The following SRRM5 variants were observed in gnomAD, a reference collection of about 807,000 sequenced individuals.
The protein encoded by SRRM5 is serine/arginine repetitive matrix protein 5.
Under a neutral mutation model 1.3 loss-of-function variants are expected in SRRM5, and 1 was observed. The observed-to-expected ratio is 0.76, with a 90% confidence interval of 0.27 to 3.59. SRRM5 has a LOEUF of 3.59. Among genes scored for constraint, SRRM5 ranks in the 30% most tolerant of loss-of-function variants. The probability of loss-of-function intolerance (pLI) is 0.19; values close to 1 mark genes in which losing one functional copy is unlikely to be tolerated. For synonymous variants in SRRM5, 275 were observed against 320.2 expected, an observed-to-expected ratio of 0.86 and a Z score of 1.51; for missense variants, 875 against 914.5, an observed-to-expected ratio of 0.96 and a Z score of 0.56.
chr19:43,613,514 A>G lies in SRRM5; in HGVS notation c.1393A>G (p.Arg465Gly), dbSNP rs1276582250. The change falls in exon 1 of 1, where the codon AGA (arginine) becomes GGA (glycine). Residue 465 changes from arginine to glycine, a missense_variant. Physicochemically the swap from Arg to Gly is moderately radical, Grantham distance 125. Coordinates refer to ENST00000417606, the MANE Select transcript of SRRM5 (RefSeq NM_001145641.2). ...PNKARDHSRSRSPNKARDRSR... is the reference protein window; with the variant it reads ...PNKARDHSRSGSPNKARDRSR... ...CAAGGCAAGAGATCATAGCCGATCT[A>G]GAAGTCCCAACAAGGCGAGAGATCG... The G allele has an allele frequency of 6.4e-7, 1 of 1,551,034 alleles. No individual in the cohort carries two copies. Among genetic ancestry groups the G allele is most frequent in the Non-Finnish European group, 8.7e-7 (1 of 1,146,834 alleles).
chr19:43,613,082 G>A lies in SRRM5; in HGVS notation c.961G>A (p.Gly321Arg), dbSNP rs1341959252. 1.9e-6 allele frequency: 3 copies of A among 1,551,522 alleles called. No individual in the cohort carries two copies. In the South Asian group the frequency reaches 3.6e-5, roughly 18 times the overall value. ...CAGGGCAAGAAGTCGCACCCGGAAG[G>A]GAATTCTGAGCCAGATGGGAAGACA... is the stretch of plus-strand genomic sequence containing the variant. ...HSRARSRTRKGILSQMGRHSQ... is the reference protein window; with the variant it reads ...HSRARSRTRKRILSQMGRHSQ... The change falls in exon 1 of 1, where the codon GGA becomes AGA. Residue 321 changes from glycine to arginine, a missense_variant. By Grantham distance (125) the Gly-to-Arg change is moderately radical. Coordinates refer to ENST00000417606, the MANE Select transcript of SRRM5 (RefSeq NM_001145641.2).
At position 43,613,920 on chromosome 19, in the gene SRRM5, A is replaced by G. The variant is rs778826306; in HGVS notation, c.1799A>G (p.Asn600Ser). The G allele has an allele frequency of 1.2e-4, 185 of 1,551,464 alleles. No individual in the cohort carries two copies. Among genetic ancestry groups the G allele is most frequent in the Non-Finnish European group, 1.5e-4 (172 of 1,146,960 alleles). The change falls in exon 1 of 1, where the codon AAT (asparagine) becomes AGT (serine). Residue 600 changes from asparagine to serine, a missense_variant. Physicochemically the swap from Asn to Ser is conservative, Grantham distance 46. Coordinates refer to ENST00000417606, the MANE Select transcript of SRRM5 (RefSeq NM_001145641.2). Reference sequence around the variant, plus strand: ...GATCACAGCCGATCTAGAAGCCCCAATAAGCAGAGTGGTTACAGTCGACCT... The same window carrying G: ...GATCACAGCCGATCTAGAAGCCCCAGTAAGCAGAGTGGTTACAGTCGACCT... ...ERDHSRSRSP[N>S]KQSGYSRPRA...
In SRRM5 at chr19:43,614,330, G is replaced by A. The variant is rs1468179329; in HGVS notation, c.*61G>A. The stretch of plus-strand genomic sequence containing the variant: ...GACCGGGGGAGGGGACAGGAGACAG[G>A]AGCAGAGCAGCAGCTGAGCAGCGTC... On this transcript the variant is annotated 3_prime_UTR_variant, in exon 1 of 1. Transcript: ENST00000417606. 6.3e-7 allele frequency: 1 copy of A among 1,577,914 alleles called. No homozygotes were observed. Among genetic ancestry groups the A allele is most frequent in the African/African-American group, 1.4e-5 (1 of 73,928 alleles).
Position 43,613,158 on chromosome 19 carries a change from C to T in SRRM5, c.1037C>T (p.Thr346Ile). ...GGGAAAAGTCAAAACCAATCTAGAA[C>T]CCCCAGAAGAGGAAGAAGTCACAAC... ...SKGKSQNQSRTPRRGRSHNWS... is the reference protein window; with the variant it reads ...SKGKSQNQSRIPRRGRSHNWS... The change falls in exon 1 of 1, where the codon ACC becomes ATC. Residue 346 changes from threonine (T) to isoleucine (I), a missense_variant. Transcript: ENST00000417606. The T allele has an allele frequency of 6.4e-7, 1 of 1,551,588 alleles. No individual in the cohort carries two copies. The highest frequency in any genetic ancestry group is 1.2e-5 in the South Asian group (1 of 84,056).
Position 43,613,987 on chromosome 19 carries a change from C to A in SRRM5, c.1866C>A (p.Thr622=), listed in dbSNP as rs1377342873. 4 of 1,551,690 alleles carry A rather than the reference C, an allele frequency of 2.6e-6. No individual in the cohort carries two copies. Among genetic ancestry groups the A allele is most frequent in the East Asian group, 2.4e-5 (1 of 40,918 alleles). ...AGAAAGCTCATAGCCGATCTAGAAC[C>A]CCCAGCAAAGAAGGAAATCATAGCC... is the stretch of plus-strand genomic sequence containing the variant. ...SKEKAHSRSR[T]PSKEGNHSQS... is the part of the protein sequence containing the mutation. Residue 622 remains threonine (T), a synonymous_variant, in exon 1 of 1, where the codon ACC becomes ACA. Transcript: ENST00000417606.
chr19:43,612,688 A>T lies in SRRM5; in HGVS notation c.567A>T (p.Arg189Ser). The T allele has an allele frequency of 6.4e-7, 1 of 1,551,470 alleles. No homozygotes were observed. Among genetic ancestry groups the T allele is most frequent in the South Asian group, 1.2e-5 (1 of 84,052 alleles). Reference protein sequence around the residue: ...SNRERSDSQPRNLSKKSYRPP... With the variant: ...SNRERSDSQPSNLSKKSYRPP... ...GGGAAAGGAGTGACAGCCAGCCTAGAAATCTGAGCAAGAAGAGTTACCGCC... is the reference window on the plus strand; with the variant it reads ...GGGAAAGGAGTGACAGCCAGCCTAGTAATCTGAGCAAGAAGAGTTACCGCC... The change falls in exon 1 of 1, where the codon AGA (arginine) becomes AGT (serine). Residue 189 changes from arginine to serine, a missense_variant. Coordinates refer to ENST00000417606, the MANE Select transcript of SRRM5 (RefSeq NM_001145641.2). This position sits in a 1 kb window ranked among gnomAD's most constrained non-coding sequence, Gnocchi z 4.2.
rs1973351680 is a variant in SRRM5, at chr19:43,614,451, G to A, written c.*182G>A. On this transcript the variant is annotated 3_prime_UTR_variant, in exon 1 of 1. Transcript: ENST00000417606. Reference sequence around the variant, plus strand: ...AGAGGGATGCTGGATAGGGGGAAAGGAAAGACCTGTGATGATTCAATAAAT... The same window carrying A: ...AGAGGGATGCTGGATAGGGGGAAAGAAAAGACCTGTGATGATTCAATAAAT... The A allele has an allele frequency of 6.9e-6, 10 of 1,440,060 alleles. No homozygotes were observed. Among genetic ancestry groups the A allele is most frequent in the Non-Finnish European group, 9.1e-6 (10 of 1,101,606 alleles). The allele number at this position is 1,440,060 out of a possible 1,614,324, so 89.2% of individuals were successfully genotyped here. A position where few individuals can be genotyped will look rare whatever the true frequency, so the allele number is the denominator to read the frequency against.
Position 43,613,327 on chromosome 19 carries a change from C to G in SRRM5, c.1206C>G (p.Ser402Arg), listed in dbSNP as rs1266947927. 6.4e-7 allele frequency: 1 copy of G among 1,551,130 alleles called. No individual in the cohort carries two copies. The highest frequency in any genetic ancestry group is 8.7e-7 in the Non-Finnish European group (1 of 1,146,872). ...GCCCCAACAAGCAGAGAGATCACAGCCGATCTAGAAGTCCCAACAAGGCGA... is the reference window on the plus strand; with the variant it reads ...GCCCCAACAAGCAGAGAGATCACAGGCGATCTAGAAGTCCCAACAAGGCGA... Reference protein sequence around the residue: ...SGSPNKQRDHSRSRSPNKARD... With the variant: ...SGSPNKQRDHRRSRSPNKARD... The change falls in exon 1 of 1, where the codon AGC (serine) becomes AGG (arginine). Residue 402 changes from serine (S) to arginine (R), a missense_variant. Coordinates refer to ENST00000417606, the MANE Select transcript of SRRM5 (RefSeq NM_001145641.2).
At position 43,613,904 on chromosome 19, in the gene SRRM5, C is replaced by A; in HGVS notation, c.1783C>A (p.Arg595=). The change falls in exon 1 of 1, where the codon CGA becomes AGA. Residue 595 remains arginine, a synonymous_variant. Coordinates refer to ENST00000417606, the MANE Select transcript of SRRM5 (RefSeq NM_001145641.2). ...CTCCAGCGAGGAGAGAGATCACAGC[C>A]GATCTAGAAGCCCCAATAAGCAGAG... ...RSSSEERDHS[R]SRSPNKQSGY... is the part of the protein sequence containing the mutation. 3.9e-6 allele frequency: 6 copies of A among 1,551,650 alleles called. No individual in the cohort carries two copies. Among genetic ancestry groups the A allele is most frequent in the Non-Finnish European group, 5.2e-6 (6 of 1,146,994 alleles).
At position 43,613,319 on chromosome 19, in the gene SRRM5, G is replaced by T. The variant is rs1313035380; in HGVS notation, c.1198G>T (p.Asp400Tyr). The change falls in exon 1 of 1, where the codon GAT becomes TAT. Residue 400 changes from aspartate (D) to tyrosine (Y), a missense_variant. Transcript: ENST00000417606. ...SQSGSPNKQRDHSRSRSPNKA... is the reference protein window; with the variant it reads ...SQSGSPNKQRYHSRSRSPNKA... ...ATCAGGAAGCCCCAACAAGCAGAGAGATCACAGCCGATCTAGAAGTCCCAA... is the reference window on the plus strand; with the variant it reads ...ATCAGGAAGCCCCAACAAGCAGAGATATCACAGCCGATCTAGAAGTCCCAA... 4 of 1,551,392 alleles carry T rather than the reference G, an allele frequency of 2.6e-6. No individual in the cohort carries two copies. The highest frequency in any genetic ancestry group is 3.5e-6 in the Non-Finnish European group (4 of 1,146,978).
rs1600088663 is a variant in SRRM5 at position 43,614,358 on chromosome 19, T to C, written c.*89T>C. On this transcript the variant is annotated 3_prime_UTR_variant, in exon 1 of 1. Coordinates refer to ENST00000417606, the MANE Select transcript of SRRM5 (RefSeq NM_001145641.2). ...CAGAGCAGCAGCTGAGCAGCGTCCCTCCCCGGCCAGCTCTCCACAGCCACA... is the reference window on the plus strand; with the variant it reads ...CAGAGCAGCAGCTGAGCAGCGTCCCCCCCCGGCCAGCTCTCCACAGCCACA... 6.5e-7 allele frequency: 1 copy of C among 1,539,366 alleles called. No homozygotes were observed. The highest frequency in any genetic ancestry group is 1.4e-5 in the African/African-American group (1 of 72,676).
chr19:43,612,899 AC>A lies in SRRM5; in HGVS notation c.779del (p.Thr260MetfsTer43). ...CAGTAGGGAAAAGAGTTACAGCCCC[AC>A]TGAAATGTCCAGCAGGGTCAAGAGT... On this transcript the variant is annotated frameshift_variant, in exon 3 of 3. Transcript: ENST00000607544. LOFTEE classifies it low-confidence loss of function (END_TRUNC). The surrounding 1 kb of genome is among the most constrained non-coding windows in gnomAD (Gnocchi z 4.2). 14 of 1,551,652 alleles carry A rather than the reference AC, an allele frequency of 9.0e-6. No homozygotes were observed. Among genetic ancestry groups the A allele is most frequent in the Non-Finnish European group, 1.2e-5 (14 of 1,146,996 alleles).
At position 43,613,628 on chromosome 19, in the gene SRRM5, C is replaced by T. The variant is rs752453564; in HGVS notation, c.1507C>T (p.Pro503Ser). Residue 503 changes from proline (P) to serine (S), a missense_variant, in exon 1 of 1, where the codon CCC (proline) becomes TCC (serine). Transcript: ENST00000417606. ...GAGAGATCACAGACGATCTAGAAGCCCCAGCAAGGAGAGACAGTGCAGACA... is the reference window on the plus strand; with the variant it reads ...GAGAGATCACAGACGATCTAGAAGCTCCAGCAAGGAGAGACAGTGCAGACA... ...KERDHRRSRS[P>S]SKERQCRQSR... 1 of 1,548,520 alleles carries T rather than the reference C, an allele frequency of 6.5e-7. No homozygotes were observed. Among genetic ancestry groups the T allele is most frequent in the Non-Finnish European group, 8.7e-7 (1 of 1,145,520 alleles).
In SRRM5 at chr19:43,612,988, G is replaced by A; in HGVS notation, c.867G>A (p.Arg289=). 1 of 1,551,672 alleles carries A rather than the reference G, an allele frequency of 6.4e-7. No homozygotes were observed. The highest frequency in any genetic ancestry group is 8.7e-7 in the Non-Finnish European group (1 of 1,146,962). The change falls in exon 1 of 1, where the codon AGG becomes AGA. Residue 289 remains arginine (R), a synonymous_variant. Coordinates refer to ENST00000417606, the MANE Select transcript of SRRM5 (RefSeq NM_001145641.2). The surrounding 1 kb of genome is among the most constrained non-coding windows in gnomAD (Gnocchi z 4.2). ...QSHSQSRSPR[R]SRSGSQKRTH... is the part of the protein sequence containing the mutation. The stretch of plus-strand genomic sequence containing the variant: ...ACAGCCAATCTAGAAGCCCCAGAAG[G>A]TCAAGAAGTGGCAGTCAGAAGAGGA...
At position 43,613,558 on chromosome 19, in the gene SRRM5, C is replaced by T. The variant is rs1367971657; in HGVS notation, c.1437C>T (p.Pro479=). The T allele has an allele frequency of 6.4e-7, 1 of 1,551,418 alleles. No individual in the cohort carries two copies. Among genetic ancestry groups the T allele is most frequent in the Admixed American group, 2.0e-5 (1 of 50,980 alleles). ...KARDRSRSRS[P]SKERDHSQLG... ...GAGATCGCAGCCGATCTAGAAGCCCCAGCAAGGAAAGAGATCACAGCCAAC... is the reference window on the plus strand; with the variant it reads ...GAGATCGCAGCCGATCTAGAAGCCCTAGCAAGGAAAGAGATCACAGCCAAC... Residue 479 remains proline (P), a synonymous_variant, in exon 1 of 1, where the codon CCC becomes CCT. Coordinates refer to ENST00000417606, the MANE Select transcript of SRRM5 (RefSeq NM_001145641.2).
At position 43,613,058 on chromosome 19, in the gene SRRM5, A is replaced by AG. The variant is rs752579648; in HGVS notation, c.940dup (p.Ala314GlyfsTer20). On this transcript the variant is annotated frameshift_variant, in exon 3 of 3. Coordinates refer to the SRRM5 transcript ENST00000607544. LOFTEE classifies it low-confidence loss of function (END_TRUNC). The stretch of plus-strand genomic sequence containing the variant: ...TCACAGTTGGAAGAGAAACCATAGC[A>AG]GGGCAAGAAGTCGCACCCGGAAGGG... 1.2e-5 allele frequency: 18 copies of AG among 1,551,480 alleles called. No homozygotes were observed. The highest frequency in any genetic ancestry group is 1.4e-5 in the Non-Finnish European group (16 of 1,146,976).
At position 43,612,940 on chromosome 19, in the gene SRRM5, C is replaced by G. The variant is rs975413090; in HGVS notation, c.819C>G (p.Ser273Arg). ...SSRVKSYNQA[S>R]TRSRPQSHSQ... is the part of the protein sequence containing the mutation. ...GGGTCAAGAGTTATAACCAGGCCAG[C>G]ACCCGCAGCAGGCCGCAAAGTCACA... Residue 273 changes from serine (S) to arginine (R), a missense_variant, in exon 1 of 1, where the codon AGC (serine) becomes AGG (arginine). Ser to Arg is a moderately radical substitution (Grantham distance 110, BLOSUM62 -1). Transcript: ENST00000417606. This position sits in a 1 kb window ranked among gnomAD's most constrained non-coding sequence, Gnocchi z 4.2. 3.2e-6 allele frequency: 5 copies of G among 1,551,678 alleles called. No individual in the cohort carries two copies. Among genetic ancestry groups the G allele is most frequent in the Non-Finnish European group, 4.4e-6 (5 of 1,146,974 alleles).
rs1467530734 is a variant in SRRM5, at chr19:43,613,053, A to T, written c.932A>T (p.His311Leu). ...AGAAGTCACAGTTGGAAGAGAAACC[A>T]TAGCAGGGCAAGAAGTCGCACCCGG... is the stretch of plus-strand genomic sequence containing the variant. The part of the protein sequence containing the change: ...RVRSHSWKRN[H>L]SRARSRTRKG... Residue 311 changes from histidine (H) to leucine (L), a missense_variant, in exon 1 of 1, where the codon CAT becomes CTT. By Grantham distance (99) the His-to-Leu change is moderately conservative. Transcript: ENST00000417606. The T allele has an allele frequency of 6.4e-7, 1 of 1,551,626 alleles. No individual in the cohort carries two copies. Among genetic ancestry groups the T allele is most frequent in the South Asian group, 1.2e-5 (1 of 84,050 alleles).
rs1267302951 is a variant in SRRM5 at position 43,612,274 on chromosome 19, A to G, written c.153A>G (p.Thr51=). 1 of 1,551,590 alleles carries G rather than the reference A, an allele frequency of 6.4e-7. No individual in the cohort carries two copies. Among genetic ancestry groups the G allele is most frequent in the Admixed American group, 2.0e-5 (1 of 50,976 alleles). The part of the protein sequence containing the change: ...NRSLVPTKPA[T]SRNSVMSPSS... ...CCTTAGTGCCCACCAAACCAGCGACATCCCGTAACTCAGTCATGAGCCCAA... is the reference window on the plus strand; with the variant it reads ...CCTTAGTGCCCACCAAACCAGCGACGTCCCGTAACTCAGTCATGAGCCCAA... Residue 51 remains threonine (T), a synonymous_variant, in exon 1 of 1, where the codon ACA becomes ACG. Transcript: ENST00000417606. This position sits in a 1 kb window ranked among gnomAD's most constrained non-coding sequence, Gnocchi z 4.2.
Sources: gnomAD v4.1 joint callset for allele counts on GRCh38, gnomAD v4.1.1 for gene constraint, Gnocchi (gnomAD v3.1) non-coding constraint, MANE v1.5 for transcripts, NCBI Gene and HGNC (gene_info 2026-07-23, HGNC 2026-07-21) for gene names.